SAMTOR: variants seen among roughly 807,000 people sequenced by gnomAD.
SAMTOR encodes the protein UPF0532 protein C7orf60.
At chr7:112,836,183 A>C in the SAMTOR span, among the ~76,000 whole-genome samples, 4 of 152,124 alleles carry the variant, frequency 2.6e-5, no homozygotes, top group African/African-American at 7.2e-5. Context: ...AGCCATTCTG[A>C]TGCCTGTGAG....
At chr7:112,924,067 T>G in the SAMTOR span, among the ~76,000 whole-genome samples, 1 of 146,442 alleles carries the variant, frequency 6.8e-6, no homozygotes, top group Admixed American at 6.7e-5. Context: ...GGGGGAGGGA[T>G]AGCATTAGGA....
At chr7:112,850,840 A>C in the SAMTOR span, among the ~76,000 whole-genome samples, 1 of 152,108 alleles carries the variant, frequency 6.6e-6, no homozygotes. Flanking sequence ...AATTTTGTTT[A>C]TCTTTTCAAA....
the SAMTOR span, among the ~76,000 whole-genome samples, chr7:112,936,018 T>C: frequency 1.3e-5 from 2 of 152,226 alleles, no homozygotes; most frequent in Admixed American, 1.3e-4. Context: ...ACTAGTTTTT[T>C]TAATTAAAAA....
At chr7:112,925,971 GAAT>G in the SAMTOR span, among the ~76,000 whole-genome samples, 27 of 152,104 alleles carry the variant, frequency 1.8e-4, no homozygotes, top group African/African-American at 6.0e-4. Flanking sequence ...AAAGCATACC[GAAT>G]GTGTCCAGAA....
the SAMTOR span, among the ~76,000 whole-genome samples, chr7:112,928,478 A>G: frequency 6.6e-6 from 1 of 151,994 alleles, no homozygotes; most frequent in Non-Finnish European, 1.5e-5. Context: ...GATTTTCCCA[A>G]TAGAAAGTAT....
chr7:112,885,138 G>A, the SAMTOR span, among the ~76,000 whole-genome samples: 11 of 150,404 alleles, frequency 7.3e-5, no homozygotes, highest in Non-Finnish European at 1.5e-4. Context: ...CTGGGATGCA[G>A]GGCACCATGT....
At chr7:112,873,208 A>G in the SAMTOR span, among the ~76,000 whole-genome samples, 1 of 152,110 alleles carries the variant, frequency 6.6e-6, no homozygotes, top group Non-Finnish European at 1.5e-5. Flanking sequence ...CAGAATTAAA[A>G]AAAAAACTAT....
the SAMTOR span, among the ~76,000 whole-genome samples, chr7:112,823,764 T>C: frequency 6.6e-6 from 1 of 152,220 alleles, no homozygotes; most frequent in Non-Finnish European, 1.5e-5. Context: ...AAAGTGGTTA[T>C]GTAGTTTCAT....
the SAMTOR span, among the ~76,000 whole-genome samples, chr7:112,917,802 C>T: frequency 6.6e-6 from 1 of 152,064 alleles, no homozygotes; most frequent in African/African-American, 2.4e-5. Context: ...GTGAAGAATG[C>T]AGAAGCCTCA....
At chr7:112,852,389 A>T in the SAMTOR span, among the ~76,000 whole-genome samples, 5 of 152,070 alleles carry the variant, frequency 3.3e-5, no homozygotes, top group Admixed American at 1.3e-4. Context: ...TGTAAGTGGG[A>T]GCTAAGCAAT....
At chr7:112,932,357 A>G in the SAMTOR span, among the ~76,000 whole-genome samples, 1 of 152,234 alleles carries the variant, frequency 6.6e-6, no homozygotes, top group African/African-American at 2.4e-5. Context: ...AGAAAAATAG[A>G]ATGCTATTCA....
the SAMTOR span, among the ~76,000 whole-genome samples, chr7:112,834,445 A>T: frequency 6.6e-6 from 1 of 151,920 alleles, no homozygotes; most frequent in African/African-American, 2.4e-5. Context: ...CTTGGATACA[A>T]TAGTCCCCCC....
At chr7:112,855,208 T>C in the SAMTOR span, among the ~76,000 whole-genome samples, 51 of 152,362 alleles carry the variant, frequency 3.3e-4, no homozygotes, top group Non-Finnish European at 5.1e-4. Context: ...AATGGCAGTT[T>C]GGATACATCT....
the SAMTOR span, among the ~76,000 whole-genome samples, chr7:112,916,749 G>A: frequency 8.5e-4 from 129 of 152,318 alleles, no homozygotes; most frequent in Non-Finnish European, 1.6e-3. Flanking sequence ...CTAATACTGC[G>A]CTTTTCCGAC....
the SAMTOR span, among the ~76,000 whole-genome samples, chr7:112,919,042 G>A: frequency 1.4e-4 from 21 of 152,112 alleles, no homozygotes; most frequent in Non-Finnish European, 2.6e-4. Flanking sequence ...AGATCAACGA[G>A]ACAGAAAGTT....
chr7:112,933,997 A>T, the SAMTOR span, among the ~76,000 whole-genome samples: 2 of 152,332 alleles, frequency 1.3e-5, no homozygotes, highest in Admixed American at 6.5e-5. Context: ...ATCAAAGCAA[A>T]TCAATATTTT....
chr7:112,899,384 G>A, the SAMTOR span, among the ~76,000 whole-genome samples: 1 of 151,756 alleles, frequency 6.6e-6, no homozygotes, highest in Non-Finnish European at 1.5e-5. Context: ...ACAGAATCAG[G>A]GGAGAAAAAG....
the SAMTOR span, among the ~76,000 whole-genome samples, chr7:112,893,653 C>CT: frequency 3.3e-5 from 5 of 152,198 alleles, no homozygotes; most frequent in Admixed American, 6.5e-5. Flanking sequence ...ATAATTTTTC[C>CT]TTCACTTTGG....
chr7:112,899,258 C>T, the SAMTOR span, among the ~76,000 whole-genome samples: 1 of 151,616 alleles, frequency 6.6e-6, no homozygotes, highest in African/African-American at 2.4e-5. Context: ...TTAAAGAATC[C>T]AACAAAAATC....
Sources: gnomAD v4.1 joint callset for allele counts (sites outside exome capture counted in the v4.1 genomes callset) on GRCh38, gnomAD v4.1.1 for gene constraint, MANE v1.5 for transcripts, NCBI Gene and HGNC (gene_info 2026-07-23, HGNC 2026-07-21) for gene names.